The following TCAIM variants were observed in gnomAD, a reference collection of about 807,000 sequenced individuals.
TCAIM encodes the protein T-cell activation inhibitor, mitochondrial.
Under a neutral mutation model 58.6 loss-of-function variants are expected in TCAIM, and 36 were observed. The ratio of observed to expected loss-of-function variants is 0.61; its 90% CI spans 0.47 to 0.81. The LOEUF is 0.81. Among genes scored for constraint, TCAIM ranks in the 30% least tolerant of loss-of-function variants. TCAIM has a pLI of 0.00. For synonymous variants in TCAIM, 172 were observed against 193.6 expected (o/e 0.89, Z 0.93); for missense variants, 466 against 579.6 (o/e 0.80, Z 2.01).
intron 1 of TCAIM, chr3:44,339,820 C>T (rs934100979): frequency 2.6e-5 from 4 of 152,096 alleles, no homozygotes; most frequent in African/African-American, 9.7e-5. Context: ...TACTTATCTG[C>T]TTGTGTCTGT....
intron 1 of TCAIM, among the ~76,000 whole-genome samples, chr3:44,349,232 C>T (rs1701034728): frequency 6.6e-6 from 1 of 152,076 alleles, no homozygotes. Flanking sequence ...TAGGAAGGGA[C>T]CGACGTGTAA....
chr3:44,392,571 G>T (rs1701855489), intron 5 of TCAIM, among the ~76,000 whole-genome samples: 1 of 152,188 alleles, frequency 6.6e-6, no homozygotes, highest in African/African-American at 2.4e-5. Context: ...GTGAGAACAT[G>T]CAGTATGTGG....
At chr3:44,358,638 C>G (rs1701243877) in intron 3 of TCAIM, 2 of 548,922 alleles carry the variant, frequency 3.6e-6, no homozygotes, top group African/African-American at 2.1e-5. Context: ...AAATACTACA[C>G]TATTTTATAT....
intron 5 of TCAIM, among the ~76,000 whole-genome samples, chr3:44,372,946 T>C (rs1479618910): frequency 2.0e-5 from 3 of 152,240 alleles, no homozygotes; most frequent in African/African-American, 7.2e-5. Context: ...GGTTTTAATG[T>C]TTCTGAGCAC....
At chr3:44,347,989 TGCC>T (rs1701004360) in intron 1 of TCAIM, among the ~76,000 whole-genome samples, 1 of 152,162 alleles carries the variant, frequency 6.6e-6, no homozygotes, top group Non-Finnish European at 1.5e-5. Flanking sequence ...TTAGTTAAAA[TGCC>T]TCAACCTAAT....
chr3:44,369,809 G>A (rs1425183143), intron 5 of TCAIM, among the ~76,000 whole-genome samples: 2 of 152,122 alleles, frequency 1.3e-5, no homozygotes, highest in African/African-American at 2.4e-5. Flanking sequence ...AATCCATCCA[G>A]TATTTTCATT....
rs529698935 is a variant in TCAIM, at chr3:44,375,745, T to C, written c.572+8037T>C. 8.5e-4 allele frequency among the ~76,000 whole-genome samples: 129 copies of C among 152,310 alleles called. 3 individuals are homozygous for C. The Middle Eastern group carries it at 0.014, about 16-fold the overall frequency. On this transcript the variant is annotated intron_variant, in intron 5 of 10. Coordinates refer to ENST00000342649, the MANE Select transcript of TCAIM (RefSeq NM_173826.4). ...GTAGGGAAATTGGAACTCTCCTCCATATAAAATGGTGCAGCTGCTGTGGAA... is the reference window on the plus strand; with the variant it reads ...GTAGGGAAATTGGAACTCTCCTCCACATAAAATGGTGCAGCTGCTGTGGAA...
intron 5 of TCAIM, among the ~76,000 whole-genome samples, chr3:44,378,694 T>C (rs1460921215): frequency 6.6e-6 from 1 of 150,856 alleles, no homozygotes; most frequent in Non-Finnish European, 1.5e-5. Context: ...GCCTGTAATC[T>C]CAGCTATTCA....
At chr3:44,339,767 ATTC>A (rs1348412094) in intron 1 of TCAIM, 1 of 152,012 alleles carries the variant, frequency 6.6e-6, no homozygotes. Flanking sequence ...AGTTTCTCAT[ATTC>A]TGTGCATGTT....
At chr3:44,402,168 G>T (rs1315155586) in intron 10 of TCAIM, among the ~76,000 whole-genome samples, 2 of 152,110 alleles carry the variant, frequency 1.3e-5, no homozygotes. Context: ...ACTTTAGGAG[G>T]CCAAGGCAAG....
chr3:44,369,929 T>C (rs1207993650), intron 5 of TCAIM, among the ~76,000 whole-genome samples: 1 of 152,206 alleles, frequency 6.6e-6, no homozygotes, highest in Non-Finnish European at 1.5e-5. Flanking sequence ...AGCGTAGCAA[T>C]AGAAGTCACT....
rs183558731 is a variant in TCAIM, at chr3:44,343,110, G to A, written c.-45+4276G>A. Among the ~76,000 whole-genome samples, 31 of 151,806 alleles carry A rather than the reference G, an allele frequency of 2.0e-4. No individual in the cohort carries two copies. In the East Asian group the frequency reaches 5.1e-3, roughly 25 times the overall value. ...CGAGATCATGCCACTGCACTATAGC[G>A]CAGGTGACAGAGCGAGACTCTGTCT... On this transcript the variant is annotated intron_variant, in intron 1 of 10. Transcript: ENST00000342649.
chr3:44,372,069 G>T (rs945757152), intron 5 of TCAIM, among the ~76,000 whole-genome samples: 1 of 117,362 alleles, frequency 8.5e-6, no homozygotes, highest in African/African-American at 3.0e-5. Flanking sequence ...AAGGAAGGAA[G>T]GAAGGAAGAT....
chr3:44,357,699 G>C, intron 2 of TCAIM, 42 bp from the exon 3 acceptor site: 1 of 1,609,550 alleles, frequency 6.2e-7, no homozygotes, highest in Non-Finnish European at 8.5e-7. Flanking sequence ...TTGTGTGTGT[G>C]TGAGTGCCTC....
At chr3:44,362,882 C>G (rs183338967) in intron 4 of TCAIM, 3 of 152,620 alleles carry the variant, frequency 2.0e-5, no homozygotes, top group Admixed American at 2.0e-4. Context: ...GATGTATGCT[C>G]CTGTTAGTCA....
At chr3:44,399,362 A>AT (rs1015182877) in intron 8 of TCAIM, among the ~76,000 whole-genome samples, 1 of 152,222 alleles carries the variant, frequency 6.6e-6, no homozygotes, top group Non-Finnish European at 1.5e-5. Flanking sequence ...AGGGAGTAAA[A>AT]TTATTTTCCA....
At chr3:44,401,825 G>C (rs1050281413) in intron 10 of TCAIM, among the ~76,000 whole-genome samples, 2 of 152,030 alleles carry the variant, frequency 1.3e-5, no homozygotes, top group Non-Finnish European at 2.9e-5. Flanking sequence ...GTGAGGTCAG[G>C]AGTTTGAGAC....
intron 1 of TCAIM, among the ~76,000 whole-genome samples, chr3:44,354,436 G>A (rs1701152686): frequency 6.6e-6 from 1 of 152,124 alleles, no homozygotes; most frequent in Non-Finnish European, 1.5e-5. Context: ...CCATTTGTCA[G>A]TATCCACAAA....
At position 44,338,786 on chromosome 3, in the gene TCAIM, A is replaced by T. The variant is rs1441558931; in HGVS notation, c.-93A>T. 6.6e-6 allele frequency: 1 copy of T among 152,244 alleles called. No homozygotes were observed. Among genetic ancestry groups the T allele is most frequent in the Non-Finnish European group, 1.5e-5 (1 of 68,118 alleles). The allele number at this position is 152,244 out of a possible 1,614,324, so 9.4% of individuals were successfully genotyped here. A position where few individuals can be genotyped will look rare whatever the true frequency, so the allele number is the denominator to read the frequency against. On this transcript the variant is annotated 5_prime_UTR_variant, in exon 1 of 11. Coordinates refer to ENST00000342649, the MANE Select transcript of TCAIM (RefSeq NM_173826.4). ...CCTCCCTTCTGGTGTACTGGGTGGG[A>T]GGTGGAACTAGTCGGACAAAGCCCT... is the stretch of plus-strand genomic sequence containing the variant.
Sources: allele counts gnomAD v4.1 joint callset (sites outside exome capture counted in the v4.1 genomes callset), GRCh38; gene constraint gnomAD v4.1.1; transcripts MANE v1.5; gene names NCBI Gene and HGNC (gene_info 2026-07-23, HGNC 2026-07-21).